The following GRID2 variants were observed in gnomAD, a reference collection of about 807,000 sequenced individuals.
The protein encoded by GRID2 is glutamate receptor ionotropic, delta-2.
In GRID2, 33 loss-of-function variants were observed where a neutral mutation model predicts 114.8. The observed-to-expected ratio is 0.29, with a 90% confidence interval of 0.22 to 0.38. The LOEUF (loss-of-function observed/expected upper bound fraction) is 0.38. Among genes scored for constraint, GRID2 ranks in the 10% least tolerant of loss-of-function variants. The probability of loss-of-function intolerance (pLI) is 1.00; values close to 1 mark genes in which losing one functional copy is unlikely to be tolerated. For synonymous variants in GRID2, 505 were observed against 449.9 expected, an observed-to-expected ratio of 1.12 and a Z score of -1.55; for missense variants, 1,184 against 1,257.7, an observed-to-expected ratio of 0.94 and a Z score of 0.89.
chr4:93,102,455 A>G (rs937790359), intron 3 of GRID2, among the ~76,000 whole-genome samples: 3 of 152,174 alleles, frequency 2.0e-5, no homozygotes, highest in Admixed American at 2.0e-4. Context: ...GAAAAAATCA[A>G]CTTTAGGGAT....
At chr4:92,610,992 G>A (rs1447916112) in intron 2 of GRID2, among the ~76,000 whole-genome samples, 1 of 150,958 alleles carries the variant, frequency 6.6e-6, no homozygotes, top group East Asian at 1.9e-4. Flanking sequence ...TAGGAAAAGT[G>A]CTGTAATGAA....
intron 2 of GRID2, among the ~76,000 whole-genome samples, chr4:92,866,166 A>T (rs986769000): frequency 2.6e-5 from 4 of 152,174 alleles, no homozygotes; most frequent in Non-Finnish European, 4.4e-5. Context: ...GAATATTGTG[A>T]GGAAGTGTTG....
At chr4:92,978,954 T>C (rs1004127152) in intron 2 of GRID2, among the ~76,000 whole-genome samples, 5 of 151,976 alleles carry the variant, frequency 3.3e-5, no homozygotes, top group African/African-American at 1.2e-4. Flanking sequence ...GCTCAGGAGT[T>C]TGAGGCTGAA....
chr4:93,672,179 C>A (rs963636334), intron 14 of GRID2, among the ~76,000 whole-genome samples: 2 of 152,234 alleles, frequency 1.3e-5, no homozygotes, highest in African/African-American at 2.4e-5. Context: ...TAGATCATTC[C>A]CCAGGTGTCC....
intron 13 of GRID2, among the ~76,000 whole-genome samples, chr4:93,528,458 T>C (rs1244199578): frequency 3.3e-5 from 5 of 152,102 alleles, no homozygotes; most frequent in Admixed American, 3.3e-4. Context: ...TATTTTGTTT[T>C]TTTGATAGTA....
intron 8 of GRID2, among the ~76,000 whole-genome samples, chr4:93,328,097 G>GT (rs1758035921): frequency 6.6e-6 from 1 of 150,900 alleles, no homozygotes; most frequent in African/African-American, 2.4e-5. Context: ...CAGCCTGGGT[G>GT]AACGAGCAAG....
At chr4:93,618,803 A>G (rs1741947790) in intron 13 of GRID2, among the ~76,000 whole-genome samples, 1 of 152,162 alleles carries the variant, frequency 6.6e-6, no homozygotes, top group South Asian at 2.1e-4. Context: ...CTTTTCCCAC[A>G]TGCTCTACCT....
At chr4:93,326,251 C>A (rs1757825158) in intron 8 of GRID2, among the ~76,000 whole-genome samples, 1 of 152,136 alleles carries the variant, frequency 6.6e-6, no homozygotes, top group Admixed American at 6.5e-5. Context: ...ATCACCCCAT[C>A]ATGGTTACGA....
chr4:92,446,062 C>G (rs1361198986), intron 1 of GRID2, among the ~76,000 whole-genome samples: 1 of 152,288 alleles, frequency 6.6e-6, no homozygotes, highest in South Asian at 2.1e-4. Context: ...TCTCATGCCT[C>G]AAGCTCTGGA....
chr4:92,794,242 A>G (rs1326759446), intron 2 of GRID2, among the ~76,000 whole-genome samples: 2 of 151,852 alleles, frequency 1.3e-5, no homozygotes, highest in African/African-American at 4.8e-5. Flanking sequence ...TGGTGAGATT[A>G]CAGGCATGAG....
At chr4:92,332,257 T>C (rs1024529469) in intron 1 of GRID2, among the ~76,000 whole-genome samples, 2 of 152,112 alleles carry the variant, frequency 1.3e-5, no homozygotes, top group African/African-American at 2.4e-5. Flanking sequence ...TCTTGCAGCA[T>C]CATCTAATGG....
intron 2 of GRID2, among the ~76,000 whole-genome samples, chr4:92,988,751 A>C (rs1473482085): frequency 1.3e-5 from 2 of 152,224 alleles, no homozygotes; most frequent in African/African-American, 2.4e-5. Context: ...TAAATGGATA[A>C]ATTCTAACAA....
intron 4 of GRID2, among the ~76,000 whole-genome samples, chr4:93,191,999 C>A (rs990222023): frequency 1.3e-5 from 2 of 152,250 alleles, no homozygotes; most frequent in South Asian, 2.1e-4. Context: ...TTTCTAACAA[C>A]AATATTCTGC....
chr4:93,451,561 G>A (rs1013898094), intron 10 of GRID2, among the ~76,000 whole-genome samples: 1 of 151,988 alleles, frequency 6.6e-6, no homozygotes, highest in East Asian at 1.9e-4. Flanking sequence ...TTTCTCCTAA[G>A]AGCCATGCAA....
At chr4:93,404,102 A>G (rs930967892) in intron 9 of GRID2, among the ~76,000 whole-genome samples, 3 of 152,138 alleles carry the variant, frequency 2.0e-5, no homozygotes, top group Non-Finnish European at 2.9e-5. Context: ...AAAGCATGCT[A>G]AGGGAAAGAA....
At chr4:92,318,051 A>G (rs1726091149) in intron 1 of GRID2, among the ~76,000 whole-genome samples, 1 of 152,100 alleles carries the variant, frequency 6.6e-6, no homozygotes, top group Non-Finnish European at 1.5e-5. Flanking sequence ...TACATTGTAT[A>G]TACCCTGTTG....
At chr4:93,583,702 A>G (rs916421114) in intron 13 of GRID2, among the ~76,000 whole-genome samples, 16 of 152,018 alleles carry the variant, frequency 1.1e-4, no homozygotes, top group African/African-American at 3.9e-4. Context: ...CTCTCTTCCA[A>G]TTTTCCAGTA....
intron 1 of GRID2, among the ~76,000 whole-genome samples, chr4:92,435,934 A>C (rs1240868151): frequency 1.3e-5 from 2 of 152,128 alleles, no homozygotes; most frequent in Non-Finnish European, 2.9e-5. Flanking sequence ...GGACCTTATG[A>C]TAGATTTTGT....
At chr4:92,942,768 T>G (rs552283324) in intron 2 of GRID2, among the ~76,000 whole-genome samples, 13 of 152,144 alleles carry the variant, frequency 8.5e-5, no homozygotes, top group Middle Eastern at 3.2e-3. Context: ...AGGCCTGGTG[T>G]TGACAAAATC....
Sources: allele counts gnomAD v4.1 joint callset (sites outside exome capture counted in the v4.1 genomes callset), GRCh38; gene constraint gnomAD v4.1.1; transcripts MANE v1.5; gene names NCBI Gene and HGNC (gene_info 2026-07-23, HGNC 2026-07-21).